Variants in THRB observed in about 807,000 individuals in gnomAD.
THRB encodes nuclear receptor subfamily 1 group A member 2.
Under a neutral mutation model 47.8 loss-of-function variants are expected in THRB, and 12 were observed. The ratio of observed to expected loss-of-function variants is 0.25; its 90% CI spans 0.16 to 0.41. The LOEUF is 0.41. THRB is among the 10% of genes least tolerant of loss of function. The pLI is 1.00. For synonymous variants in THRB, 218 were observed against 212.2 expected (o/e 1.03, Z -0.24); for missense variants, 348 against 589.2 (o/e 0.59, Z 4.24).
chr3:24,282,672 AT>A (rs1263969949), intron 3 of THRB, among the ~76,000 whole-genome samples: 1 of 145,968 alleles, frequency 6.9e-6, no homozygotes, highest in South Asian at 2.2e-4. Context: ...GATCAACAAA[AT>A]TGATAGACCG....
chr3:24,357,346 CAA>C (rs781709724), intron 1 of THRB, among the ~76,000 whole-genome samples: 2,553 of 28,418 alleles, frequency 0.09, 105 homozygotes, highest in African/African-American at 0.26. Flanking sequence ...TTGTCTCTCC[CAA>C]AAAAAAAAAA....
intron 1 of THRB, among the ~76,000 whole-genome samples, chr3:24,476,683 G>C (rs1345114628): frequency 6.6e-6 from 1 of 152,060 alleles, no homozygotes; most frequent in Non-Finnish European, 1.5e-5. Flanking sequence ...AATGTCCTTT[G>C]GGCAGCCTAC....
intron 2 of THRB, among the ~76,000 whole-genome samples, chr3:24,304,630 A>C (rs1180334123): frequency 6.6e-6 from 1 of 152,176 alleles, no homozygotes; most frequent in Non-Finnish European, 1.5e-5. Flanking sequence ...TTTCATGAAG[A>C]ACAAAAATGT....
At chr3:24,379,160 A>G (rs1455829775) in intron 1 of THRB, among the ~76,000 whole-genome samples, 1 of 152,184 alleles carries the variant, frequency 6.6e-6, no homozygotes, top group Non-Finnish European at 1.5e-5. Context: ...GTACATATAC[A>G]TATTCATAGA....
Position 24,380,485 on chromosome 3 carries a change from C to T in THRB, c.-260-43114G>A, listed in dbSNP as rs180911944. ...TTCTTTGATTGTACCCTTCCCCCTC[C>T]TCTCCACCAGAGAATTCCTATCCCT... On this transcript the variant is annotated intron_variant, in intron 1 of 10. Transcript: ENST00000646209. Among the ~76,000 whole-genome samples, 333 of 152,212 alleles carry T rather than the reference C, an allele frequency of 2.2e-3. 2 individuals carry two copies. Among genetic ancestry groups the T allele is most frequent in the African/African-American group, 7.5e-3 (310 of 41,534 alleles).
At chr3:24,123,205 T>TG (rs1350982315) in intron 10 of THRB, 80 bp from the exon 11 acceptor site, 113 of 1,597,726 alleles carry the variant, frequency 7.1e-5, no homozygotes, top group Admixed American at 2.8e-4. Flanking sequence ...AGGCCTTTAT[T>TG]GGGGGGCGGG....
intron 3 of THRB, among the ~76,000 whole-genome samples, chr3:24,246,613 A>G (rs2050135490): frequency 6.6e-6 from 1 of 152,230 alleles, no homozygotes; most frequent in Non-Finnish European, 1.5e-5. Flanking sequence ...CAATTCTGCA[A>G]CAATTAATAG....
Position 24,275,556 on chromosome 3 carries a change from C to A in THRB, c.-43+21670G>T, listed in dbSNP as rs150649649. On this transcript the variant is annotated intron_variant, in intron 3 of 10. Coordinates refer to ENST00000646209, the MANE Select transcript of THRB (RefSeq NM_001354712.2). ...ACATTTGAGGCAATGGTTTGGAGAG[C>A]CATGTTTTGCCACCATCATCATGTC... Among the ~76,000 whole-genome samples the A allele has an allele frequency of 1.2e-4, 18 of 152,300 alleles. No homozygotes were observed. In the East Asian group the frequency reaches 1.9e-3, roughly 16 times the overall value.
Position 24,423,433 on chromosome 3 carries a change from TA to T in THRB, c.-261+71218del, listed in dbSNP as rs60415028. ...TCCCAGCACTGAGATTTTTTTTTTT[TA>T]AAGTGGAAAGCACAACTATTATTTC... On this transcript the variant is annotated intron_variant, in intron 1 of 10. Coordinates refer to ENST00000646209, the MANE Select transcript of THRB (RefSeq NM_001354712.2). Among the ~76,000 whole-genome samples the T allele has an allele frequency of 9.9e-5, 15 of 151,818 alleles. No homozygotes were observed. The South Asian group carries it at 3.1e-3, about 32-fold the overall frequency.
Position 24,133,225 on chromosome 3 carries a change from TTAAC to T in THRB, c.885+87_885+90del, listed in dbSNP as rs138914628. The T allele has an allele frequency of 3.6e-3, 5,181 of 1,446,614 alleles. 136 individuals carry two copies. In the African/African-American group the frequency reaches 0.061, roughly 17 times the overall value. 89.6% of individuals were successfully genotyped at this position (1,446,614 alleles called of 1,614,324 possible). Reference sequence around the variant, plus strand: ...TTTCATATGATTAAGTCCCTACTAATTAACATTAAATTGTAAATAATACCCAGTA... The same window carrying T: ...TTTCATATGATTAAGTCCCTACTAATATTAAATTGTAAATAATACCCAGTA... On this transcript the variant is annotated intron_variant, in intron 9 of 10. Coordinates refer to ENST00000646209, the MANE Select transcript of THRB (RefSeq NM_001354712.2).
rs1341965787 is a variant in THRB, at chr3:24,119,082, T to C, written c.*3802A>G. Reference sequence around the variant, plus strand: ...TAAAAAATACACACCGGGCAAATCCTTACCTGGATAATAAATATCTACATC... The same window carrying C: ...TAAAAAATACACACCGGGCAAATCCCTACCTGGATAATAAATATCTACATC... On this transcript the variant is annotated 3_prime_UTR_variant, in exon 11 of 11. Coordinates refer to ENST00000646209, the MANE Select transcript of THRB (RefSeq NM_001354712.2). 6.7e-6 allele frequency: 1 copy of C among 150,324 alleles called. No individual in the cohort carries two copies. Among genetic ancestry groups the C allele is most frequent in the Non-Finnish European group, 1.5e-5 (1 of 67,536 alleles). The allele number at this position is 150,324 out of a possible 1,614,324, so 9.3% of individuals were successfully genotyped here. A position where few individuals can be genotyped will look rare whatever the true frequency, so the allele number is the denominator to read the frequency against.
chr3:24,444,934 C>G (rs1396721191), intron 1 of THRB, among the ~76,000 whole-genome samples: 2 of 152,080 alleles, frequency 1.3e-5, no homozygotes. Context: ...TTAAAGAATG[C>G]TGAGACAATA....
At chr3:24,125,638 G>A (rs1171347031) in intron 10 of THRB, among the ~76,000 whole-genome samples, 1 of 152,118 alleles carries the variant, frequency 6.6e-6, no homozygotes, top group Non-Finnish European at 1.5e-5. Context: ...ACGACTGTGG[G>A]CCCCATTTCT....
intron 3 of THRB, among the ~76,000 whole-genome samples, chr3:24,245,637 G>C (rs1029593731): frequency 1.3e-5 from 2 of 152,170 alleles, no homozygotes; most frequent in African/African-American, 2.4e-5. Flanking sequence ...GCCTGGTCAG[G>C]TGCAGTGGCT....
At chr3:24,192,952 G>A (rs1465493772) in intron 4 of THRB, among the ~76,000 whole-genome samples, 1 of 152,186 alleles carries the variant, frequency 6.6e-6, no homozygotes, top group South Asian at 2.1e-4. Context: ...TGGGTCATGA[G>A]AAAACTCAAC....
chr3:24,414,810 C>T (rs1017544383), intron 1 of THRB, among the ~76,000 whole-genome samples: 1 of 151,778 alleles, frequency 6.6e-6, no homozygotes, highest in African/African-American at 2.4e-5. Context: ...GTAACCTTAA[C>T]AAATGGTACC....
At chr3:24,475,485 A>ATG (rs1695311441) in intron 1 of THRB, among the ~76,000 whole-genome samples, 1 of 152,112 alleles carries the variant, frequency 6.6e-6, no homozygotes, top group East Asian at 1.9e-4. Context: ...TAATTTGTGT[A>ATG]TGTGTGTATA....
chr3:24,186,169 T>C (rs1488587040), intron 5 of THRB, among the ~76,000 whole-genome samples: 1 of 152,144 alleles, frequency 6.6e-6, no homozygotes, highest in African/African-American at 2.4e-5. Flanking sequence ...ATTAAGAATC[T>C]GCACTGGGCT....
At chr3:24,132,763 T>A (rs1468460269) in intron 9 of THRB, among the ~76,000 whole-genome samples, 1 of 152,206 alleles carries the variant, frequency 6.6e-6, no homozygotes, top group Non-Finnish European at 1.5e-5. Context: ...GTGGGGATAT[T>A]AAGAGCCTGG....
Sources: allele counts gnomAD v4.1 joint callset (sites outside exome capture counted in the v4.1 genomes callset), GRCh38; gene constraint gnomAD v4.1.1; transcripts MANE v1.5; gene names NCBI Gene and HGNC (gene_info 2026-07-23, HGNC 2026-07-21).